The following YIPF2 variants were observed in gnomAD, a reference collection of about 807,000 sequenced individuals.
YIPF2 encodes the protein Yip1 domain family member 2, also known as protein YIPF2.
Under a neutral mutation model 38.8 loss-of-function variants are expected in YIPF2, and 30 were observed. The observed-to-expected ratio is 0.77, with a 90% CI of 0.58 to 1.05. YIPF2 has a LOEUF of 1.05. Ranked by LOEUF, YIPF2 falls within the 50% of genes least tolerant of loss-of-function variation. The pLI is 0.00. For missense variants in YIPF2, 401 were observed against 409.7 expected (o/e 0.98, Z 0.18); for synonymous variants, 194 against 183.8 (o/e 1.06, Z -0.45).
Position 10,923,324 on chromosome 19 carries a change from G to A in YIPF2, c.918C>T (p.Ser306=). 1.9e-6 allele frequency: 3 copies of A among 1,613,016 alleles called. No homozygotes were observed. Among genetic ancestry groups the A allele is most frequent in the Non-Finnish European group, 2.5e-6 (3 of 1,179,524 alleles). Residue 306 remains serine, a synonymous_variant, in exon 9 of 10, where the codon TCC becomes TCT. Transcript: ENST00000586748. The part of the protein sequence containing the change: ...ITSLPSNIAL[S]PTLPQSLAPS ...GGGCCAGGGACTGCGGCAAGGTAGG[G>A]GACAGCGCGATGTTTGAGGGCAGAG...
chr19:10,925,656 T>C (rs1442625794), intron 5 of YIPF2, 30 bp downstream of exon 5: 1 of 1,613,090 alleles, frequency 6.2e-7, no homozygotes, highest in Non-Finnish European at 8.5e-7. Flanking sequence ...GAGTGATCCA[T>C]CAAGGAACCA....
chr19:10,923,690 C>A lies in YIPF2; in HGVS notation c.652-13G>T. ...TGAGCCACAGGACCTGGGAGCAACA[C>A]GGCGGCAGGTGACCATGCCAGTCCC... is the stretch of plus-strand genomic sequence containing the variant. On this transcript the variant is annotated splice_polypyrimidine_tract_variant and intron_variant, in intron 7 of 9. Coordinates refer to ENST00000586748, the MANE Select transcript of YIPF2 (RefSeq NM_001321439.2). The A allele has an allele frequency of 1.3e-6, 2 of 1,597,456 alleles. No individual in the cohort carries two copies. The highest frequency in any genetic ancestry group is 8.6e-7 in the Non-Finnish European group (1 of 1,169,412).
Position 10,922,533 on chromosome 19 carries a change from GC to G in YIPF2, c.*660del, listed in dbSNP as rs1285412405. 2 of 139,102 alleles carry G rather than the reference GC, an allele frequency of 1.4e-5. No homozygotes were observed. Among genetic ancestry groups the G allele is most frequent in the Non-Finnish European group, 3.0e-5 (2 of 66,058 alleles). The allele number at this position is 139,102 out of a possible 1,614,324, so 8.6% of individuals were successfully genotyped here. The stretch of plus-strand genomic sequence containing the variant: ...CCTTGGGCCCGGAGGGAAGGCCACT[GC>G]CGGCCACTTGGGGCAGACACAGACA... On this transcript the variant is annotated 3_prime_UTR_variant, in exon 10 of 10. Coordinates refer to ENST00000586748, the MANE Select transcript of YIPF2 (RefSeq NM_001321439.2).
rs1027430249 is a variant in YIPF2, at chr19:10,923,666, G to A, written c.663C>T (p.Leu221=). Residue 221 remains leucine, a synonymous_variant, in exon 8 of 10, where the codon CTC becomes CTT. Transcript: ENST00000586748. The part of the protein sequence containing the change: ...FVFIPMVVLW[L]IPVPWLQWLF... Reference sequence around the variant, plus strand: ...GCCACTGCAGCCAAGGCACAGGGATGAGCCACAGGACCTGGGAGCAACACG... The same window carrying A: ...GCCACTGCAGCCAAGGCACAGGGATAAGCCACAGGACCTGGGAGCAACACG... 7 of 1,609,050 alleles carry A rather than the reference G, an allele frequency of 4.4e-6. No individual in the cohort carries two copies. Among genetic ancestry groups the A allele is most frequent in the Non-Finnish European group, 5.9e-6 (7 of 1,176,720 alleles).
chr19:10,923,466 C>T (rs771145295), intron 8 of YIPF2, 29 bp downstream of exon 8: 1 of 1,612,858 alleles, frequency 6.2e-7, no homozygotes, highest in South Asian at 1.1e-5. Flanking sequence ...AGCCCCTCGG[C>T]CCCACCTGTG....
chr19:10,925,873 GC>G, intron 4 of YIPF2, 100 bp from the exon 5 acceptor site: 1 of 1,024,782 alleles, frequency 9.8e-7, no homozygotes. Flanking sequence ...CTCTTTCCAT[GC>G]CCCACCTGAA....
In YIPF2 at chr19:10,928,420, G is replaced by A. The variant is rs1410446194; in HGVS notation, c.-10C>T. 7 of 1,338,610 alleles carry A rather than the reference G, an allele frequency of 5.2e-6. No individual in the cohort carries two copies. The highest frequency in any genetic ancestry group is 3.1e-5 in the African/African-American group (2 of 65,258). 82.9% of individuals were successfully genotyped at this position (1,338,610 alleles called of 1,614,324 possible). A position where few individuals can be genotyped will look rare whatever the true frequency, so the allele number is the denominator to read the frequency against. Reference sequence around the variant, plus strand: ...CGTCGGCCGATGCCATGGTCGTTCAGGGGCGTCTCCGCATCCCTCGCTGAG... The same window carrying A: ...CGTCGGCCGATGCCATGGTCGTTCAAGGGCGTCTCCGCATCCCTCGCTGAG... On this transcript the variant is annotated 5_prime_UTR_variant, in exon 2 of 10. Coordinates refer to ENST00000586748, the MANE Select transcript of YIPF2 (RefSeq NM_001321439.2).
intron 2 of YIPF2, 61 bp downstream of exon 2, chr19:10,928,319 G>A: frequency 2.3e-6 from 3 of 1,332,514 alleles, no homozygotes; most frequent in Non-Finnish European, 1.9e-6. Context: ...AAGCCGTATC[G>A]GGGGGAGGTT....
intron 4 of YIPF2, among the ~76,000 whole-genome samples, chr19:10,926,629 T>A (rs2083430016): frequency 6.7e-6 from 1 of 149,102 alleles, no homozygotes; most frequent in African/African-American, 2.5e-5. Flanking sequence ...CAGGTTCAAG[T>A]GATTCTCGAG....
chr19:10,928,316 A>G, intron 2 of YIPF2, 64 bp downstream of exon 2: 1 of 1,330,966 alleles, frequency 7.5e-7, no homozygotes, highest in Non-Finnish European at 9.7e-7. Context: ...TGGAAGCCGT[A>G]TCGGGGGGAG....
chr19:10,924,253 T>A, intron 5 of YIPF2, 61 bp from the exon 6 acceptor site: 1 of 1,473,474 alleles, frequency 6.8e-7, no homozygotes, highest in Non-Finnish European at 9.3e-7. Context: ...AGCAGACATG[T>A]ATCCTGACTG....
intron 5 of YIPF2, among the ~76,000 whole-genome samples, chr19:10,925,131 C>G (rs2145270276): frequency 6.6e-6 from 1 of 151,694 alleles, no homozygotes; most frequent in South Asian, 2.1e-4. Flanking sequence ...ACTCAGGAGG[C>G]TGAAGCAGGA....
Position 10,923,534 on chromosome 19 carries a change from C to G in YIPF2, c.795G>C (p.Val265=), listed in dbSNP as rs769314163. Residue 265 remains valine, a synonymous_variant, in exon 8 of 10, where the codon GTG becomes GTC. Transcript: ENST00000586748. The part of the protein sequence containing the change: ...TRLVATVLLS[V]VVLLHALLAM... ...CCAGGAGGGCGTGGAGCAGCACGAC[C>G]ACGGACAGCAGCACTGTGGCCACCA... 1.6e-4 allele frequency: 265 copies of G among 1,612,428 alleles called. 1 individual carries two copies. The Admixed American group carries it at 4.2e-3, about 26-fold the overall frequency.
intron 5 of YIPF2, among the ~76,000 whole-genome samples, chr19:10,925,356 G>C (rs779402182): frequency 2.0e-5 from 3 of 152,104 alleles, no homozygotes; most frequent in Non-Finnish European, 2.9e-5. Context: ...GTTCATGCAA[G>C]TTCCTGCCAT....
At position 10,924,157 on chromosome 19, in the gene YIPF2, G is replaced by C; in HGVS notation, c.403C>G (p.Leu135Val). The part of the protein sequence containing the change: ...FWICATLAFV[L>V]AVTGNLTLVL... ...AGCGTCAGGTTGCCAGTGACGGCCAGGACAAAGGCCAACGTGGCACAGATC... is the reference window on the plus strand; with the variant it reads ...AGCGTCAGGTTGCCAGTGACGGCCACGACAAAGGCCAACGTGGCACAGATC... The change falls in exon 6 of 10, where the codon CTG becomes GTG. Residue 135 changes from leucine to valine, a missense_variant. Physicochemically the swap from Leu to Val is conservative, Grantham distance 32. Transcript: ENST00000586748. The C allele has an allele frequency of 6.2e-7, 1 of 1,613,296 alleles. No homozygotes were observed. The highest frequency in any genetic ancestry group is 8.5e-7 in the Non-Finnish European group (1 of 1,179,908).
At chr19:10,928,325 A>G (rs1348681491) in intron 2 of YIPF2, 55 bp downstream of exon 2, 3 of 1,319,992 alleles carry the variant, frequency 2.3e-6, no homozygotes, top group South Asian at 4.9e-5. Context: ...TATCGGGGGG[A>G]GGTTCTGGCC....
rs1362022904 is a variant in YIPF2 at position 10,928,450 on chromosome 19, G to C, written c.-30-10C>G. 9 of 1,358,166 alleles carry C rather than the reference G, an allele frequency of 6.6e-6. No individual in the cohort carries two copies. The highest frequency in any genetic ancestry group is 4.6e-5 in the African/African-American group (3 of 65,210). The allele number at this position is 1,358,166 out of a possible 1,614,324, so 84.1% of individuals were successfully genotyped here. A position where few individuals can be genotyped will look rare whatever the true frequency, so the allele number is the denominator to read the frequency against. On this transcript the variant is annotated splice_polypyrimidine_tract_variant and intron_variant, in intron 1 of 9. Coordinates refer to ENST00000586748, the MANE Select transcript of YIPF2 (RefSeq NM_001321439.2). Reference sequence around the variant, plus strand: ...GTCTCCGCATCCCTCGCTGAGGACAGAGACCGGTCAGGCACACTTCCCCCC... The same window carrying C: ...GTCTCCGCATCCCTCGCTGAGGACACAGACCGGTCAGGCACACTTCCCCCC...
Position 10,924,108 on chromosome 19 carries a change from G to C in YIPF2, c.452C>G (p.Pro151Arg). The stretch of plus-strand genomic sequence containing the variant: ...GAACTGGGGGCTGTAGTGGATGGAG[G>C]GGTCCCTCCTCTGGGCCAGCACCAG... ...LTLVLAQRRDPSIHYSPQFHK... is the reference protein window; with the variant it reads ...LTLVLAQRRDRSIHYSPQFHK... Residue 151 changes from proline to arginine, a missense_variant, in exon 6 of 10, where the codon CCC (proline) becomes CGC (arginine). Pro to Arg is a moderately radical substitution (Grantham distance 103, BLOSUM62 -2). Coordinates refer to ENST00000586748, the MANE Select transcript of YIPF2 (RefSeq NM_001321439.2). The C allele has an allele frequency of 6.2e-7, 1 of 1,613,830 alleles. No homozygotes were observed. The highest frequency in any genetic ancestry group is 8.5e-7 in the Non-Finnish European group (1 of 1,179,928).
Position 10,924,310 on chromosome 19 carries a change from A to AACAG in YIPF2, c.368-119_368-118insCTGT, listed in dbSNP as rs1020663566. 3.9e-5 allele frequency: 35 copies of AACAG among 890,926 alleles called. 1 individual carries two copies. The African/African-American group carries it at 4.4e-4, about 11-fold the overall frequency. The allele number at this position is 890,926 out of a possible 1,614,324, so 55.2% of individuals were successfully genotyped here. A position where few individuals can be genotyped will look rare whatever the true frequency, so the allele number is the denominator to read the frequency against. On this transcript the variant is annotated intron_variant, in intron 5 of 9. Coordinates refer to ENST00000586748, the MANE Select transcript of YIPF2 (RefSeq NM_001321439.2). ...TCTTCCTAAGCACCTTGCCTGACTC[A>AACAG]CCAGGACACCGGGGGCCTCCTGGTG... is the stretch of plus-strand genomic sequence containing the variant.
Sources: gnomAD v4.1 joint callset for allele counts (sites outside exome capture counted in the v4.1 genomes callset) on GRCh38, gnomAD v4.1.1 for gene constraint, MANE v1.5 for transcripts, NCBI Gene and HGNC (gene_info 2026-07-23, HGNC 2026-07-21) for gene names.